The following PACS1 variants were observed in gnomAD, a reference collection of about 807,000 sequenced individuals.
The protein encoded by PACS1 is phosphofurin acidic cluster sorting protein 1, also known as PACS-1.
A neutral mutation model predicts 115.0 loss-of-function variants in PACS1; 24 were observed. The observed-to-expected ratio is 0.21, with a 90% CI of 0.15 to 0.29. PACS1 has a LOEUF of 0.29. PACS1 is among the 10% of genes least tolerant of loss of function. PACS1 has a pLI of 1.00. For missense variants in PACS1, 838 were observed against 1,251.2 expected, an observed-to-expected ratio of 0.67 and a Z score of 4.98; for synonymous variants, 453 against 504.5, an observed-to-expected ratio of 0.90 and a Z score of 1.37.
intron 1 of PACS1, among the ~76,000 whole-genome samples, chr11:66,081,143 G>A (rs1857469457): frequency 1.3e-5 from 2 of 152,062 alleles, no homozygotes; most frequent in South Asian, 2.1e-4. Context: ...TGAGGCTGGA[G>A]GATTGTGTGA....
chr11:66,079,454 A>G (rs1857449423), intron 1 of PACS1, among the ~76,000 whole-genome samples: 1 of 151,322 alleles, frequency 6.6e-6, no homozygotes, highest in Admixed American at 6.6e-5. Flanking sequence ...ACAAACACCA[A>G]ATGGCTTCAG....
chr11:66,166,377 C>T (rs1283205718), intron 1 of PACS1, among the ~76,000 whole-genome samples: 1 of 152,154 alleles, frequency 6.6e-6, no homozygotes, highest in East Asian at 1.9e-4. Context: ...GAACTCCTGA[C>T]CTCAGGTGAT....
At chr11:66,207,737 G>A (rs1183960975) in intron 2 of PACS1, among the ~76,000 whole-genome samples, 1 of 152,126 alleles carries the variant, frequency 6.6e-6, no homozygotes, top group Non-Finnish European at 1.5e-5. Context: ...TGTTGCCCAG[G>A]CTGGAGTGCA....
At chr11:66,184,333 AAAAAAG>A (rs1860072452) in intron 1 of PACS1, among the ~76,000 whole-genome samples, 1 of 151,338 alleles carries the variant, frequency 6.6e-6, no homozygotes, top group African/African-American at 2.4e-5. Context: ...AAAAAAAAAA[AAAAAAG>A]AGATGAGAGG....
intron 7 of PACS1, chr11:66,218,349 AC>A (rs1355081828): frequency 6.6e-6 from 1 of 152,266 alleles, no homozygotes; most frequent in Non-Finnish European, 1.5e-5. Context: ...CATCAAGCGC[AC>A]AGTGTCTAGT....
At chr11:66,175,273 CTT>C (rs1472633679) in intron 1 of PACS1, among the ~76,000 whole-genome samples, 1 of 152,028 alleles carries the variant, frequency 6.6e-6, no homozygotes, top group East Asian at 1.9e-4. Context: ...GTGCTTCTGT[CTT>C]TTTCTCAGGC....
chr11:66,087,982 C>T (rs150000515), intron 1 of PACS1, among the ~76,000 whole-genome samples: 84 of 152,214 alleles, frequency 5.5e-4, no homozygotes, highest in African/African-American at 1.8e-3. Flanking sequence ...TGCATTTCCC[C>T]AATGATGTTG....
chr11:66,111,280 T>G (rs907425629), intron 1 of PACS1, among the ~76,000 whole-genome samples: 2 of 152,264 alleles, frequency 1.3e-5, no homozygotes, highest in Non-Finnish European at 2.9e-5. Context: ...TATAATCTTA[T>G]GGGACCCCTG....
intron 2 of PACS1, among the ~76,000 whole-genome samples, chr11:66,207,122 A>G (rs1229523858): frequency 2.0e-5 from 3 of 152,144 alleles, no homozygotes; most frequent in Admixed American, 6.5e-5. Flanking sequence ...AAATATGTCG[A>G]TATGTATTTC....
rs373125261 is a variant in PACS1, at chr11:66,091,506, T to G, written c.356+20664T>G. On this transcript the variant is annotated intron_variant, in intron 1 of 23. Transcript: ENST00000320580. ...TTTTCTCATTGTTGTTGTTGTTGTT[T>G]TTTTTCTTTTTTTTTTCTTTTATTA... Among the ~76,000 whole-genome samples the G allele has an allele frequency of 3.9e-3, 592 of 151,036 alleles. 7 individuals carry two copies. Among genetic ancestry groups the G allele is most frequent in the Middle Eastern group, 6.8e-3 (2 of 292 alleles).
At chr11:66,127,455 C>T (rs1159227348) in intron 1 of PACS1, among the ~76,000 whole-genome samples, 2 of 152,226 alleles carry the variant, frequency 1.3e-5, no homozygotes, top group Non-Finnish European at 2.9e-5. Flanking sequence ...AGAGAACCGC[C>T]TGGTCCTCCT....
Position 66,210,388 on chromosome 11 carries a change from C to T in PACS1, c.471C>T (p.Asn157=), listed in dbSNP as rs781442980. 5.0e-6 allele frequency: 8 copies of T among 1,613,872 alleles called. No homozygotes were observed. The Admixed American group carries it at 6.7e-5, about 13-fold the overall frequency. ...GTTCAAAAAGAATTCTTCGCTCCAA[C>T]GAGATCGTCCTTCCAGCTAGTGGAC... ...LQGSKRILRS[N]EIVLPASGLV... Residue 157 remains asparagine (N), a synonymous_variant, in exon 3 of 24, where the codon AAC becomes AAT. Coordinates refer to ENST00000320580, the MANE Select transcript of PACS1 (RefSeq NM_018026.4).
chr11:66,240,454 G>A (rs758669160), intron 21 of PACS1, among the ~76,000 whole-genome samples: 7 of 152,176 alleles, frequency 4.6e-5, no homozygotes, highest in Non-Finnish European at 1.0e-4. Flanking sequence ...TAGCAACAGC[G>A]AGGATGGCAT....
At chr11:66,122,633 A>G (rs1195956239) in intron 1 of PACS1, among the ~76,000 whole-genome samples, 1 of 152,150 alleles carries the variant, frequency 6.6e-6, no homozygotes, top group Non-Finnish European at 1.5e-5. Context: ...GTCGATTTCG[A>G]CTCATGGATG....
intron 10 of PACS1, among the ~76,000 whole-genome samples, chr11:66,226,554 C>T (rs1269677937): frequency 2.0e-5 from 3 of 152,112 alleles, no homozygotes; most frequent in African/African-American, 4.8e-5. Context: ...AAATGTCAAT[C>T]GTGCCAAGGT....
intron 1 of PACS1, among the ~76,000 whole-genome samples, chr11:66,155,930 C>A (rs1285144306): frequency 3.3e-5 from 5 of 151,924 alleles, no homozygotes; most frequent in Non-Finnish European, 5.9e-5. Flanking sequence ...CAAAAACATG[C>A]TTTGTGAAAG....
chr11:66,144,097 G>A (rs907300372), intron 1 of PACS1, among the ~76,000 whole-genome samples: 10 of 152,208 alleles, frequency 6.6e-5, no homozygotes, highest in African/African-American at 2.2e-4. Context: ...TTTGTGAGAT[G>A]CGTATTCATA....
chr11:66,106,630 T>G lies in PACS1; in HGVS notation c.356+35788T>G, dbSNP rs148109711. On this transcript the variant is annotated intron_variant, in intron 1 of 23. Transcript: ENST00000320580. Reference sequence around the variant, plus strand: ...GGTGGTGCATGCCTGTAATCCCAGCTACTGGGTGGAGGTGAAGAGGTAGGC... The same window carrying G: ...GGTGGTGCATGCCTGTAATCCCAGCGACTGGGTGGAGGTGAAGAGGTAGGC... Among the ~76,000 whole-genome samples, 291 of 151,966 alleles carry G rather than the reference T, an allele frequency of 1.9e-3. 1 individual carries two copies. The East Asian group carries it at 0.028, about 14-fold the overall frequency.
At chr11:66,094,526 A>G (rs1457605241) in intron 1 of PACS1, among the ~76,000 whole-genome samples, 53 of 152,158 alleles carry the variant, frequency 3.5e-4, no homozygotes, top group Non-Finnish European at 6.5e-4. Flanking sequence ...TAGACCAATA[A>G]CAGGCTCTGA....
Sources: gnomAD v4.1 joint callset for allele counts (sites outside exome capture counted in the v4.1 genomes callset) on GRCh38, gnomAD v4.1.1 for gene constraint, MANE v1.5 for transcripts, NCBI Gene and HGNC (gene_info 2026-07-23, HGNC 2026-07-21) for gene names.